The following TNS1 variants were observed in gnomAD, a reference collection of about 807,000 sequenced individuals.
TNS1 encodes tensin-1.
A neutral mutation model predicts 168.6 loss-of-function variants in TNS1; 62 were observed. The observed-to-expected ratio is 0.37, with a 90% CI of 0.30 to 0.45. The LOEUF is 0.45. TNS1 is among the 20% of genes least tolerant of loss of function. The pLI is 1.00. For synonymous variants in TNS1, 934 were observed against 933.2 expected, an observed-to-expected ratio of 1.00 and a Z score of -0.02; for missense variants, 2,240 against 2,339.4, an observed-to-expected ratio of 0.96 and a Z score of 0.88.
chr2:217,895,410 A>G (rs530602192), intron 8 of TNS1, among the ~76,000 whole-genome samples: 1 of 152,288 alleles, frequency 6.6e-6, no homozygotes, highest in South Asian at 2.1e-4. Flanking sequence ...AGATGTAGAC[A>G]CTCAGCCACC....
At chr2:217,849,181 G>T in intron 18 of TNS1, 94 bp from the exon 19 acceptor site, 3 of 1,456,708 alleles carry the variant, frequency 2.1e-6, no homozygotes, top group South Asian at 1.3e-5. Context: ...GAAGCTAAGA[G>T]CTCCCATGCC....
chr2:217,939,089 C>T (rs539722598), intron 3 of TNS1, among the ~76,000 whole-genome samples: 1 of 152,306 alleles, frequency 6.6e-6, no homozygotes. Flanking sequence ...TGAGCATCTG[C>T]TATGTGCCAG....
rs1944157836 is a variant in TNS1, at chr2:217,829,830, C to A, written c.3373+1625G>T. ...AGACCCAGAGAGCAGGAAGTCACAG[C>A]AAATGCTACTTACCTTCTGACAGCC... On this transcript the variant is annotated intron_variant, in intron 22 of 32. Coordinates refer to ENST00000682258, the MANE Select transcript of TNS1 (RefSeq NM_001387777.1). 3 of 1,613,944 alleles carry A rather than the reference C, an allele frequency of 1.9e-6. No homozygotes were observed. The South Asian group carries it at 3.3e-5, about 18-fold the overall frequency.
chr2:217,879,318 T>C (rs1171711879), intron 18 of TNS1: 2 of 370,878 alleles, frequency 5.4e-6, no homozygotes, highest in African/African-American at 2.2e-5. Context: ...AATGTTCTTG[T>C]TAAAAATGCA....
intron 3 of TNS1, among the ~76,000 whole-genome samples, chr2:217,928,325 T>C (rs1274486141): frequency 1.3e-5 from 2 of 152,232 alleles, no homozygotes; most frequent in Non-Finnish European, 2.9e-5. Context: ...AGGTGGCCAC[T>C]GCCCCGGCCC....
intron 10 of TNS1, 46 bp downstream of exon 10, chr2:217,893,391 TGC>T (rs1553602104): frequency 1.4e-4 from 205 of 1,490,164 alleles, no homozygotes; most frequent in African/African-American, 1.2e-3. Context: ...TGTGCGCATG[TGC>T]GCGCGCGCAC....
chr2:217,967,007 T>C (rs765865614), intron 3 of TNS1, among the ~76,000 whole-genome samples: 6 of 152,208 alleles, frequency 3.9e-5, no homozygotes, highest in Non-Finnish European at 5.9e-5. Flanking sequence ...GTAGTCACCA[T>C]GCAGGGGATA....
intron 22 of TNS1, among the ~76,000 whole-genome samples, chr2:217,824,874 C>A (rs1668730491): frequency 6.6e-6 from 1 of 152,156 alleles, no homozygotes; most frequent in South Asian, 2.1e-4. Flanking sequence ...CACTCTTTGG[C>A]TGCCCGTGGG....
At chr2:217,823,643 T>C (rs773550304) in intron 22 of TNS1, among the ~76,000 whole-genome samples, 6 of 152,158 alleles carry the variant, frequency 3.9e-5, no homozygotes, top group Non-Finnish European at 8.8e-5. Context: ...GAGGCTGCAA[T>C]GGAGTCTGCA....
intron 3 of TNS1, among the ~76,000 whole-genome samples, chr2:217,941,019 C>T (rs1320988914): frequency 6.6e-6 from 1 of 152,182 alleles, no homozygotes. Context: ...TGCCTTGCAC[C>T]CCTCACCCCA....
At chr2:217,907,366 G>A in intron 4 of TNS1, 115 bp from the exon 5 acceptor site, 1 of 676,226 alleles carries the variant, frequency 1.5e-6, no homozygotes. Context: ...CAGGGATGAT[G>A]AGGCCAACCC....
Position 217,804,231 on chromosome 2 carries a change from G to A in TNS1, c.*228C>T, listed in dbSNP as rs1253773643. The A allele has an allele frequency of 7.2e-6, 4 of 558,152 alleles. No individual in the cohort carries two copies. Among genetic ancestry groups the A allele is most frequent in the Non-Finnish European group, 9.3e-6 (3 of 321,258 alleles). The allele number at this position is 558,152 out of a possible 1,614,324, so 34.6% of individuals were successfully genotyped here. ...TTTTGCAGTTTCCATCTACCCAGGG[G>A]AATCCAAGTTCTTCTCCTCCATCTT... is the stretch of plus-strand genomic sequence containing the variant. On this transcript the variant is annotated 3_prime_UTR_variant, in exon 33 of 33. Coordinates refer to ENST00000682258, the MANE Select transcript of TNS1 (RefSeq NM_001387777.1).
chr2:217,830,373 G>A lies in TNS1; in HGVS notation c.3373+1082C>T, dbSNP rs1254733898. 3 of 1,614,156 alleles carry A rather than the reference G, an allele frequency of 1.9e-6. No individual in the cohort carries two copies. The Admixed American group carries it at 5.0e-5, about 27-fold the overall frequency. The stretch of plus-strand genomic sequence containing the variant: ...CATGCCACTGCCCACCTACCTGGCT[G>A]GATCCGTCTTCTGGTAACTAAGGAA... On this transcript the variant is annotated intron_variant, in intron 22 of 32. Coordinates refer to ENST00000682258, the MANE Select transcript of TNS1 (RefSeq NM_001387777.1).
At chr2:217,829,824 T>TCACAGCAAATGC (rs1239262817) in intron 22 of TNS1, 45 of 1,613,700 alleles carry the variant, frequency 2.8e-5, no homozygotes, top group Non-Finnish European at 3.8e-5. Flanking sequence ...GAGCAGGAAG[T>TCACAGCAAATGC]CACAGCAAAT....
At chr2:217,822,455 T>G (rs1225321081) in intron 22 of TNS1, among the ~76,000 whole-genome samples, 1 of 152,132 alleles carries the variant, frequency 6.6e-6, no homozygotes, top group Non-Finnish European at 1.5e-5. Context: ...CTGGTGAGTC[T>G]TGCCCTGTGG....
At chr2:217,893,153 G>T (rs1451530826) in intron 10 of TNS1, 141 bp from the exon 11 acceptor site, 1 of 1,114,812 alleles carries the variant, frequency 9.0e-7, no homozygotes. Flanking sequence ...GAGGAAGGGG[G>T]CCTCAGGGGA....
chr2:218,032,075 C>A lies in TNS1; in HGVS notation c.156+1745G>T, dbSNP rs1958903684. On this transcript the variant is annotated intron_variant, in intron 1 of 1. Coordinates refer to the TNS1 transcript ENST00000649572. This position sits in a 1 kb window ranked among gnomAD's most constrained non-coding sequence, Gnocchi z 4.0. Reference sequence around the variant, plus strand: ...ACTCAGGAGGGTGCCAAGCCCCAACCTCTTGCTCCTGAGGCTGACATGTGG... The same window carrying A: ...ACTCAGGAGGGTGCCAAGCCCCAACATCTTGCTCCTGAGGCTGACATGTGG... 6.6e-6 allele frequency among the ~76,000 whole-genome samples: 1 copy of A among 152,222 alleles called. No individual in the cohort carries two copies. Among genetic ancestry groups the A allele is most frequent in the Admixed American group, 6.5e-5 (1 of 15,282 alleles).
At chr2:218,030,174 C>T (rs1253945236) in intron 1 of TNS1, among the ~76,000 whole-genome samples, 3 of 152,158 alleles carry the variant, frequency 2.0e-5, no homozygotes. Context: ...TGCTAGGGCT[C>T]CCGGGGAGCC....
At chr2:218,025,116 C>CCT (rs1476820815) in intron 1 of TNS1, among the ~76,000 whole-genome samples, 4 of 149,754 alleles carry the variant, frequency 2.7e-5, no homozygotes, top group Admixed American at 6.6e-5. Context: ...TCCCATGCTA[C>CCT]CTCTGACTCC....
Sources: gnomAD v4.1 joint callset for allele counts (sites outside exome capture counted in the v4.1 genomes callset) on GRCh38, gnomAD v4.1.1 for gene constraint, Gnocchi (gnomAD v3.1) non-coding constraint, MANE v1.5 for transcripts, NCBI Gene and HGNC (gene_info 2026-07-23, HGNC 2026-07-21) for gene names.